The following STXBP5L variants were observed in gnomAD, a reference collection of about 807,000 sequenced individuals.
STXBP5L encodes the protein syntaxin-binding protein 5-like.
In STXBP5L, 65 loss-of-function variants were observed where a neutral mutation model predicts 144.5. That is an observed-to-expected ratio of 0.45 (90% confidence interval 0.37 to 0.55). The LOEUF is 0.55. Ranked by LOEUF, STXBP5L falls within the 20% of genes least tolerant of loss-of-function variation. STXBP5L has a pLI of 0.00. For synonymous variants in STXBP5L, 505 were observed against 469.6 expected (o/e 1.08, Z -0.97); for missense variants, 1,298 against 1,405.5 (o/e 0.92, Z 1.22).
At chr3:120,924,292 G>C (rs756764537) in intron 2 of STXBP5L, among the ~76,000 whole-genome samples, 48 of 152,112 alleles carry the variant, frequency 3.2e-4, no homozygotes, top group Non-Finnish European at 6.0e-4. Context: ...TCATGTGAAT[G>C]AATGCTAGAG....
At chr3:121,117,644 C>T (rs1230224263) in intron 6 of STXBP5L, among the ~76,000 whole-genome samples, 5 of 151,642 alleles carry the variant, frequency 3.3e-5, no homozygotes, top group Non-Finnish European at 4.4e-5. Flanking sequence ...CTAAGTAGGA[C>T]AAATGCAAGA....
At chr3:121,107,403 G>A (rs1359078861) in intron 5 of STXBP5L, among the ~76,000 whole-genome samples, 2 of 151,962 alleles carry the variant, frequency 1.3e-5, no homozygotes, top group African/African-American at 2.4e-5. Flanking sequence ...TAAGTTTTAA[G>A]GAAGGGATCC....
chr3:121,323,579 A>G (rs1362977119), intron 20 of STXBP5L, among the ~76,000 whole-genome samples: 1 of 152,192 alleles, frequency 6.6e-6, no homozygotes, highest in African/African-American at 2.4e-5. Flanking sequence ...AACACTTTAT[A>G]TTATCTATTC....
intron 3 of STXBP5L, among the ~76,000 whole-genome samples, chr3:121,022,016 A>T (rs568389736): frequency 6.6e-6 from 1 of 152,150 alleles, no homozygotes; most frequent in South Asian, 2.1e-4. Context: ...TTGATAGGCC[A>T]TTAGCAAGAT....
rs549800055 is a variant in STXBP5L, at chr3:121,142,550, G to A, written c.670-9927G>A. On this transcript the variant is annotated intron_variant, in intron 7 of 26. Transcript: ENST00000471454. ...TTTAAGAAGATTGAAATGATACCAA[G>A]TATCCTTTCTGACCACAATGTAATA... Among the ~76,000 whole-genome samples, 5 of 151,982 alleles carry A rather than the reference G, an allele frequency of 3.3e-5. No homozygotes were observed. In the South Asian group the frequency reaches 8.3e-4, roughly 25 times the overall value.
intron 13 of STXBP5L, among the ~76,000 whole-genome samples, chr3:121,240,169 A>G (rs887942516): frequency 2.6e-5 from 4 of 152,150 alleles, no homozygotes; most frequent in Non-Finnish European, 5.9e-5. Context: ...ATGTAGCAAC[A>G]CTGTATTTGT....
intron 5 of STXBP5L, among the ~76,000 whole-genome samples, chr3:121,048,423 A>C (rs1042331523): frequency 6.6e-6 from 1 of 152,036 alleles, no homozygotes; most frequent in Non-Finnish European, 1.5e-5. Flanking sequence ...TTCATGGGTG[A>C]TATTCTGAAA....
At chr3:121,179,921 C>T (rs2047078325) in intron 9 of STXBP5L, among the ~76,000 whole-genome samples, 1 of 152,058 alleles carries the variant, frequency 6.6e-6, no homozygotes. Context: ...AACCAAGTCT[C>T]CAAGAAATAT....
At chr3:121,040,938 G>A (rs928610252) in intron 3 of STXBP5L, among the ~76,000 whole-genome samples, 1 of 151,980 alleles carries the variant, frequency 6.6e-6, no homozygotes, top group Non-Finnish European at 1.5e-5. Context: ...GACCGTAAGT[G>A]GAGACTCTCA....
At chr3:120,982,257 A>G (rs956717919) in intron 3 of STXBP5L, among the ~76,000 whole-genome samples, 1 of 152,116 alleles carries the variant, frequency 6.6e-6, no homozygotes, top group African/African-American at 2.4e-5. Flanking sequence ...CGGTCTGTAG[A>G]ATGCCCAGTT....
At chr3:121,331,745 C>A (rs2044326760) in intron 20 of STXBP5L, among the ~76,000 whole-genome samples, 1 of 152,120 alleles carries the variant, frequency 6.6e-6, no homozygotes, top group South Asian at 2.1e-4. Flanking sequence ...GTTTTTACCC[C>A]CAGACACCTC....
At chr3:121,003,912 T>A (rs1307133297) in intron 3 of STXBP5L, among the ~76,000 whole-genome samples, 1 of 151,120 alleles carries the variant, frequency 6.6e-6, no homozygotes, top group Admixed American at 6.6e-5. Context: ...ATTGGTCTAC[T>A]CTGTTTTGGT....
chr3:121,113,672 CTT>C (rs1231857211), intron 5 of STXBP5L, among the ~76,000 whole-genome samples: 7 of 122,564 alleles, frequency 5.7e-5, no homozygotes, highest in East Asian at 2.3e-4. Context: ...TTTTCTTTTT[CTT>C]TTTTTTTTTT....
chr3:121,133,728 A>G (rs1188627825), intron 7 of STXBP5L, among the ~76,000 whole-genome samples: 1 of 152,204 alleles, frequency 6.6e-6, no homozygotes. Flanking sequence ...TGGGTAATTT[A>G]TAAGCAAAAG....
At chr3:121,057,305 C>G (rs1193064941) in intron 5 of STXBP5L, among the ~76,000 whole-genome samples, 5 of 151,750 alleles carry the variant, frequency 3.3e-5, no homozygotes, top group Non-Finnish European at 7.4e-5. Flanking sequence ...ATAGTATATT[C>G]TAAAGGATCA....
intron 5 of STXBP5L, among the ~76,000 whole-genome samples, chr3:121,092,407 G>T (rs1189968323): frequency 6.6e-6 from 1 of 152,102 alleles, no homozygotes; most frequent in Non-Finnish European, 1.5e-5. Flanking sequence ...CCATGAGCAT[G>T]GAATGTTCTT....
intron 5 of STXBP5L, among the ~76,000 whole-genome samples, chr3:121,074,179 C>T (rs908026044): frequency 1.1e-4 from 16 of 152,056 alleles, no homozygotes; most frequent in African/African-American, 3.9e-4. Flanking sequence ...TGTGATGAGC[C>T]CCACTCAAAG....
At chr3:121,312,529 G>A (rs2043576700) in intron 19 of STXBP5L, among the ~76,000 whole-genome samples, 1 of 129,496 alleles carries the variant, frequency 7.7e-6, no homozygotes, top group Non-Finnish European at 1.6e-5. Context: ...CAGGGTCATA[G>A]GACAATAGTG....
chr3:121,214,821 A>G (rs973416064), intron 10 of STXBP5L, among the ~76,000 whole-genome samples: 2 of 152,050 alleles, frequency 1.3e-5, no homozygotes, highest in East Asian at 3.8e-4. Context: ...GTCTCCCACT[A>G]TTATTGTGTG....
Sources: allele counts gnomAD v4.1 joint callset (sites outside exome capture counted in the v4.1 genomes callset), GRCh38; gene constraint gnomAD v4.1.1; transcripts MANE v1.5; gene names NCBI Gene and HGNC (gene_info 2026-07-23, HGNC 2026-07-21).